Variants in CGNL1 observed in about 807,000 individuals in gnomAD.
The protein encoded by CGNL1 is cingulin-like protein 1.
Under a neutral mutation model 141.2 loss-of-function variants are expected in CGNL1, and 132 were observed. The ratio of observed to expected loss-of-function variants is 0.93; its 90% CI spans 0.81 to 1.08. The LOEUF is 1.08. Among genes scored for constraint, CGNL1 ranks in the 50% least tolerant of loss-of-function variants. CGNL1 has a pLI of 0.00. For missense variants in CGNL1, 1,870 were observed against 1,588.6 expected (o/e 1.18, Z -3.01); for synonymous variants, 690 against 622.1 (o/e 1.11, Z -1.63).
At chr15:57,440,513 C>T in intron 3 of CGNL1, 42 bp downstream of exon 3, 1 of 1,399,616 alleles carries the variant, frequency 7.1e-7, no homozygotes, top group East Asian at 2.5e-5. Flanking sequence ...ATTGTTGTTT[C>T]TGGTGGGACT....
chr15:57,487,235 A>G (rs1165312409), intron 8 of CGNL1, among the ~76,000 whole-genome samples: 1 of 152,136 alleles, frequency 6.6e-6, no homozygotes, highest in Non-Finnish European at 1.5e-5. Context: ...TCCTTGGGAG[A>G]TGGGTTTTTC....
chr15:57,469,389 G>C (rs1188630331), intron 8 of CGNL1, among the ~76,000 whole-genome samples: 1 of 150,374 alleles, frequency 6.7e-6, no homozygotes, highest in African/African-American at 2.4e-5. Flanking sequence ...TGGACGGAGT[G>C]TGAGCGAGTG....
chr15:57,509,694 G>A (rs71478629), intron 8 of CGNL1, among the ~76,000 whole-genome samples: 20,516 of 152,240 alleles, frequency 0.13, 1,482 homozygotes, highest in South Asian at 0.24. Flanking sequence ...GTGATTATTT[G>A]CAATGAATGG....
intron 1 of CGNL1, among the ~76,000 whole-genome samples, chr15:57,435,928 G>T (rs925298014): frequency 1.4e-4 from 22 of 152,110 alleles, no homozygotes; most frequent in African/African-American, 5.1e-4. Flanking sequence ...TATTTAAAAA[G>T]GAAGAAATGG....
At chr15:57,543,661 T>A in intron 14 of CGNL1, 35 bp from the exon 15 acceptor site, 1 of 1,557,448 alleles carries the variant, frequency 6.4e-7, no homozygotes, top group East Asian at 2.2e-5. Flanking sequence ...GGAACAGTCC[T>A]TCTAACCTCT....
chr15:57,489,652 T>C (rs1044306754), intron 8 of CGNL1, among the ~76,000 whole-genome samples: 15 of 152,204 alleles, frequency 9.9e-5, no homozygotes, highest in East Asian at 1.9e-4. Context: ...CCCATCACTG[T>C]TGGTTGAAGA....
intron 1 of CGNL1, chr15:57,401,888 C>G (rs1174414900): frequency 1.3e-5 from 2 of 152,188 alleles, no homozygotes; most frequent in African/African-American, 4.8e-5. Flanking sequence ...GTGAGTTAAG[C>G]TCTAGTAAGT....
At chr15:57,466,489 G>A (rs560228481) in intron 8 of CGNL1, among the ~76,000 whole-genome samples, 1 of 152,166 alleles carries the variant, frequency 6.6e-6, no homozygotes, top group Non-Finnish European at 1.5e-5. Flanking sequence ...TCAAATTCCA[G>A]CTCTTCCAGG....
At chr15:57,546,363 T>C in intron 18 of CGNL1, 124 bp downstream of exon 18, 1 of 1,210,148 alleles carries the variant, frequency 8.3e-7, no homozygotes, top group Non-Finnish European at 1.1e-6. Flanking sequence ...TTTGGGGTTA[T>C]CGTATCTTAG....
intron 1 of CGNL1, among the ~76,000 whole-genome samples, chr15:57,383,943 CTT>C (rs2062454792): frequency 6.6e-6 from 1 of 152,014 alleles, no homozygotes; most frequent in Admixed American, 6.6e-5. Context: ...CCAGCCCAAA[CTT>C]AAGATTTCTT....
Position 57,441,395 on chromosome 15 carries a change from G to A in CGNL1, c.1697+924G>A, listed in dbSNP as rs138978356. Among the ~76,000 whole-genome samples the A allele has an allele frequency of 4.0e-3, 613 of 151,800 alleles. 3 individuals are homozygous for A. Among genetic ancestry groups the A allele is most frequent in the African/African-American group, 0.014 (587 of 41,372 alleles). ...TTTTTTTTTTATTTTTTGGGACAGA[G>A]TCTCACTCTGTCATCCAGGCTGGAA... On this transcript the variant is annotated intron_variant, in intron 3 of 18. Transcript: ENST00000281282.
chr15:57,484,188 C>T (rs1414106001), intron 8 of CGNL1, among the ~76,000 whole-genome samples: 3 of 152,036 alleles, frequency 2.0e-5, no homozygotes, highest in African/African-American at 7.2e-5. Flanking sequence ...GATGTTTATT[C>T]TTTTTTGAAC....
intron 14 of CGNL1, among the ~76,000 whole-genome samples, chr15:57,538,581 T>C (rs2032391589): frequency 1.3e-5 from 2 of 152,198 alleles, no homozygotes; most frequent in Admixed American, 1.3e-4. Flanking sequence ...AGTGCTGCTC[T>C]GCACAGGGAA....
At chr15:57,545,773 G>A (rs1595820099) in intron 17 of CGNL1, 73 bp downstream of exon 17, 2 of 1,251,728 alleles carry the variant, frequency 1.6e-6, no homozygotes, top group East Asian at 5.0e-5. Flanking sequence ...AGGGAGGCAA[G>A]GCCTCCCTGA....
At chr15:57,515,541 C>CA (rs1297548646) in intron 8 of CGNL1, among the ~76,000 whole-genome samples, 1 of 152,132 alleles carries the variant, frequency 6.6e-6, no homozygotes, top group Non-Finnish European at 1.5e-5. Flanking sequence ...GTGTTGTAGG[C>CA]ATGAGATTTG....
chr15:57,398,801 A>T (rs2062629703), intron 1 of CGNL1, among the ~76,000 whole-genome samples: 1 of 152,236 alleles, frequency 6.6e-6, no homozygotes, highest in Non-Finnish European at 1.5e-5. Flanking sequence ...ACCGTACTTT[A>T]TCATTTGGTG....
In CGNL1 at chr15:57,452,288, G is replaced by T. The variant is rs765269940; in HGVS notation, c.2053G>T (p.Glu685Ter). 6.2e-7 allele frequency: 1 copy of T among 1,613,226 alleles called. No individual in the cohort carries two copies. Among genetic ancestry groups the T allele is most frequent in the Non-Finnish European group, 8.5e-7 (1 of 1,179,560 alleles). ...SEGELRKNLE[E>*]LFQVKMEREQ... ...AGGGGAGCTCCGGAAGAATCTGGAG[G>T]AGTAAGTTCTGGGCTGAGAGCCTGT... Residue 685 changes from glutamate (E) to a stop codon, truncating the protein, a stop_gained and splice_region_variant, in exon 6 of 19, where the codon GAG becomes TAG. Coordinates refer to ENST00000281282, the MANE Select transcript of CGNL1 (RefSeq NM_032866.5). LOFTEE classifies it high-confidence loss of function.
chr15:57,486,346 G>C (rs567806092), intron 8 of CGNL1, among the ~76,000 whole-genome samples: 4 of 152,142 alleles, frequency 2.6e-5, no homozygotes, highest in Non-Finnish European at 5.9e-5. Context: ...ACTGCAAAGA[G>C]TCAGGGAAGA....
chr15:57,517,974 G>C (rs2030950640), intron 9 of CGNL1, among the ~76,000 whole-genome samples: 1 of 144,620 alleles, frequency 6.9e-6, no homozygotes, highest in Non-Finnish European at 1.5e-5. Flanking sequence ...AGATCTCCAG[G>C]AATAAGGCCA....
Sources: gnomAD v4.1 joint callset for allele counts (sites outside exome capture counted in the v4.1 genomes callset) on GRCh38, gnomAD v4.1.1 for gene constraint, MANE v1.5 for transcripts, NCBI Gene and HGNC (gene_info 2026-07-23, HGNC 2026-07-21) for gene names.